Variants in GABBR2 observed in about 807,000 individuals in gnomAD.
GABBR2 encodes G-protein coupled receptor 51.
GABBR2 carries 23 observed loss-of-function variants against 105.6 expected under a neutral mutation model. The observed-to-expected ratio is 0.22, with a 90% CI of 0.16 to 0.31. The LOEUF is 0.31. Among genes scored for constraint, GABBR2 ranks in the 10% least tolerant of loss-of-function variants. GABBR2 has a pLI of 1.00. For synonymous variants in GABBR2, 478 were observed against 499.7 expected (o/e 0.96, Z 0.58); for missense variants, 734 against 1,245.5 (o/e 0.59, Z 6.18).
intron 1 of GABBR2, among the ~76,000 whole-genome samples, chr9:98,592,132 A>G (rs1829155815): frequency 6.6e-6 from 1 of 152,194 alleles, no homozygotes; most frequent in South Asian, 2.1e-4. Flanking sequence ...TCAGCCAGCA[A>G]TTAAATTGAC....
intron 18 of GABBR2, 125 bp downstream of exon 18, chr9:98,293,660 A>G: frequency 1.6e-6 from 1 of 632,802 alleles, no homozygotes; most frequent in Non-Finnish European, 2.8e-6. Flanking sequence ...ATTGGACTGC[A>G]TCATGGGATG....
At chr9:98,304,451 C>G (rs992610106) in intron 15 of GABBR2, among the ~76,000 whole-genome samples, 2 of 152,138 alleles carry the variant, frequency 1.3e-5, no homozygotes, top group African/African-American at 2.4e-5. Flanking sequence ...AGCAGAGTGC[C>G]GCAATTGAAG....
Position 98,686,041 on chromosome 9 carries a change from C to T in GABBR2, c.321+22376G>A, listed in dbSNP as rs1830616687. On this transcript the variant is annotated intron_variant, in intron 1 of 18. Transcript: ENST00000259455. ...GATCCTCTTCCCAACTAGGCCTTGA[C>T]CTTTGGGCTTCCATGTCTTTGCATC... Among the ~76,000 whole-genome samples the T allele has an allele frequency of 1.3e-5, 2 of 152,144 alleles. 1 individual carries two copies. Among genetic ancestry groups the T allele is most frequent in the Admixed American group, 1.3e-4 (2 of 15,274 alleles).
At chr9:98,317,882 G>C (rs968688100) in intron 13 of GABBR2, among the ~76,000 whole-genome samples, 16 of 152,160 alleles carry the variant, frequency 1.1e-4, no homozygotes, top group African/African-American at 2.9e-4. Flanking sequence ...TATTCCTAAA[G>C]GAAACTACGG....
At chr9:98,389,421 T>C (rs1832139270) in intron 9 of GABBR2, among the ~76,000 whole-genome samples, 1 of 152,214 alleles carries the variant, frequency 6.6e-6, no homozygotes, top group Non-Finnish European at 1.5e-5. Context: ...CTCCTAAACA[T>C]ACACAATAAA....
At chr9:98,625,525 T>G (rs1453350365) in intron 1 of GABBR2, among the ~76,000 whole-genome samples, 1 of 152,202 alleles carries the variant, frequency 6.6e-6, no homozygotes, top group Non-Finnish European at 1.5e-5. Context: ...GAAAAGACCC[T>G]GAGCCTCTTC....
intron 14 of GABBR2, among the ~76,000 whole-genome samples, chr9:98,309,472 T>G (rs1830603648): frequency 6.6e-6 from 1 of 152,246 alleles, no homozygotes; most frequent in Non-Finnish European, 1.5e-5. Context: ...TGCTTTCCCA[T>G]GACAGGGAGC....
At chr9:98,343,561 TAAAAG>T (rs1831250584) in intron 13 of GABBR2, among the ~76,000 whole-genome samples, 1 of 152,138 alleles carries the variant, frequency 6.6e-6, no homozygotes, top group Non-Finnish European at 1.5e-5. Flanking sequence ...TTATTTTCCT[TAAAAG>T]AAAAGAATCC....
intron 3 of GABBR2, among the ~76,000 whole-genome samples, chr9:98,499,794 G>A (rs1031823143): frequency 3.3e-4 from 50 of 152,354 alleles, no homozygotes; most frequent in African/African-American, 7.0e-4. Context: ...GCTCACGCCT[G>A]TAATCCCAGC....
rs1830251921 is a variant in GABBR2, at chr9:98,289,440, C to T, written c.*1144G>A. ...GGCTCAATTTAAAGGGAGGAATGAT[C>T]TTATGAATGAGAATCAATCTGCTGA... On this transcript the variant is annotated 3_prime_UTR_variant, in exon 19 of 19. Coordinates refer to ENST00000259455, the MANE Select transcript of GABBR2 (RefSeq NM_005458.8). 1 of 152,584 alleles carries T rather than the reference C, an allele frequency of 6.6e-6. No individual in the cohort carries two copies. The highest frequency in any genetic ancestry group is 1.9e-4 in the East Asian group (1 of 5,192). 9.5% of individuals were successfully genotyped at this position (152,584 alleles called of 1,614,324 possible). A position where few individuals can be genotyped will look rare whatever the true frequency, so the allele number is the denominator to read the frequency against.
intron 13 of GABBR2, among the ~76,000 whole-genome samples, chr9:98,356,050 T>TAG (rs1831477934): frequency 1.3e-5 from 2 of 152,166 alleles, no homozygotes; most frequent in African/African-American, 4.8e-5. Context: ...CACAAAATTT[T>TAG]ACTCAAAATG....
chr9:98,403,389 C>G (rs1832433011), intron 8 of GABBR2, among the ~76,000 whole-genome samples: 1 of 151,042 alleles, frequency 6.6e-6, no homozygotes, highest in Non-Finnish European at 1.5e-5. Flanking sequence ...GACACAAATG[C>G]AGAGAGGGTG....
chr9:98,303,735 G>A (rs1179199052), intron 15 of GABBR2, among the ~76,000 whole-genome samples: 2 of 152,226 alleles, frequency 1.3e-5, no homozygotes, highest in East Asian at 1.9e-4. Flanking sequence ...TGCCTAGCAC[G>A]CTGCCTTAGG....
chr9:98,385,576 C>T lies in GABBR2; in HGVS notation c.1662+64G>A, dbSNP rs529583342. On this transcript the variant is annotated intron_variant, in intron 11 of 18. Coordinates refer to ENST00000259455, the MANE Select transcript of GABBR2 (RefSeq NM_005458.8). ...ATTTCTGGGTTTGCATCTGTGTTTT[C>T]GATGACTGAGGTCACCAAGGAAACT... 391 of 1,379,756 alleles carry T rather than the reference C, an allele frequency of 2.8e-4. 2 individuals are homozygous for T. In the Middle Eastern group the frequency reaches 4.7e-3, roughly 16 times the overall value. 85.5% of individuals were successfully genotyped at this position (1,379,756 alleles called of 1,614,324 possible).
At chr9:98,353,243 T>A (rs965460930) in intron 13 of GABBR2, among the ~76,000 whole-genome samples, 1 of 152,178 alleles carries the variant, frequency 6.6e-6, no homozygotes, top group Non-Finnish European at 1.5e-5. Flanking sequence ...ATTTGGTGTA[T>A]CTTGTTAAAG....
chr9:98,289,632 G>C lies in GABBR2; in HGVS notation c.*952C>G, dbSNP rs1437233580. 1 of 124,048 alleles carries C rather than the reference G, an allele frequency of 8.1e-6. No individual in the cohort carries two copies. Among genetic ancestry groups the C allele is most frequent in the African/African-American group, 4.0e-5 (1 of 24,718 alleles). 7.7% of individuals were successfully genotyped at this position (124,048 alleles called of 1,614,324 possible). A position where few individuals can be genotyped will look rare whatever the true frequency, so the allele number is the denominator to read the frequency against. On this transcript the variant is annotated 3_prime_UTR_variant, in exon 19 of 19. Coordinates refer to ENST00000259455, the MANE Select transcript of GABBR2 (RefSeq NM_005458.8). ...TTCACTTTGGTCAGAAACAAAGTTA[G>C]TGGGAAAAAAAAAAAAAAAATCCCA...
chr9:98,513,499 C>T (rs1456567756), intron 3 of GABBR2, among the ~76,000 whole-genome samples: 1 of 151,802 alleles, frequency 6.6e-6, no homozygotes, highest in Non-Finnish European at 1.5e-5. Context: ...ATTTTTGCAA[C>T]CTACTCATCT....
intron 7 of GABBR2, among the ~76,000 whole-genome samples, chr9:98,423,060 C>T (rs1832812270): frequency 6.6e-6 from 1 of 152,084 alleles, no homozygotes; most frequent in Non-Finnish European, 1.5e-5. Context: ...TGAATAGTGC[C>T]ACAATAAACA....
rs1830240218 is a variant in GABBR2, at chr9:98,288,777, C to G, written c.*1807G>C. The stretch of plus-strand genomic sequence containing the variant: ...AAAAGCTACAGTACCTCCATAACCT[C>G]TCTTTGGGGAAGGGGAGCAGAAAGC... On this transcript the variant is annotated 3_prime_UTR_variant, in exon 19 of 19. Coordinates refer to ENST00000259455, the MANE Select transcript of GABBR2 (RefSeq NM_005458.8). 1 of 152,562 alleles carries G rather than the reference C, an allele frequency of 6.6e-6. No individual in the cohort carries two copies. The highest frequency in any genetic ancestry group is 2.1e-4 in the South Asian group (1 of 4,824). The allele number at this position is 152,562 out of a possible 1,614,324, so 9.5% of individuals were successfully genotyped here. A position where few individuals can be genotyped will look rare whatever the true frequency, so the allele number is the denominator to read the frequency against.
Sources: gnomAD v4.1 joint callset for allele counts (sites outside exome capture counted in the v4.1 genomes callset) on GRCh38, gnomAD v4.1.1 for gene constraint, MANE v1.5 for transcripts, NCBI Gene and HGNC (gene_info 2026-07-23, HGNC 2026-07-21) for gene names.